The following NXPH2 variants were observed in gnomAD, a reference collection of about 807,000 sequenced individuals.
NXPH2 encodes the protein neurexophilin-2.
NXPH2 carries 5 observed loss-of-function variants against 19.8 expected under a neutral mutation model. The observed-to-expected ratio is 0.25, with a 90% CI of 0.13 to 0.53. The LOEUF is 0.53. NXPH2 is among the 20% of genes least tolerant of loss of function. NXPH2 has a pLI of 0.96. For missense variants in NXPH2, 289 were observed against 322.8 expected (o/e 0.90, Z 0.80); for synonymous variants, 154 against 127.4 (o/e 1.21, Z -1.41).
intron 1 of NXPH2, among the ~76,000 whole-genome samples, chr2:138,748,594 C>CCT (rs923979885): frequency 6.6e-6 from 1 of 151,432 alleles, no homozygotes; most frequent in African/African-American, 2.4e-5. Flanking sequence ...TCTCTCTTTC[C>CCT]CTCTCTCTCT....
chr2:138,734,856 AG>A (rs1258075245), intron 1 of NXPH2, among the ~76,000 whole-genome samples: 2 of 152,220 alleles, frequency 1.3e-5, no homozygotes, highest in Non-Finnish European at 2.9e-5. Flanking sequence ...AATTCAGTGT[AG>A]GGTAAACTGA....
chr2:138,769,709 G>A (rs1682146343), intron 1 of NXPH2, among the ~76,000 whole-genome samples: 1 of 152,140 alleles, frequency 6.6e-6, no homozygotes, highest in Non-Finnish European at 1.5e-5. Flanking sequence ...GCAGCTACCA[G>A]GAGGCTCCCC....
At chr2:138,683,266 A>G (rs1221805070) in intron 1 of NXPH2, among the ~76,000 whole-genome samples, 1 of 152,170 alleles carries the variant, frequency 6.6e-6, no homozygotes, top group Non-Finnish European at 1.5e-5. Context: ...CAAGTTTTCA[A>G]TGAGAGACAT....
chr2:138,720,681 G>C (rs1028382069), intron 1 of NXPH2, among the ~76,000 whole-genome samples: 1 of 152,198 alleles, frequency 6.6e-6, no homozygotes, highest in East Asian at 1.9e-4. Flanking sequence ...AGCACAGGGG[G>C]CTGGCTCCAC....
intron 1 of NXPH2, among the ~76,000 whole-genome samples, chr2:138,754,720 T>C (rs1681880094): frequency 6.6e-6 from 1 of 152,182 alleles, no homozygotes; most frequent in Non-Finnish European, 1.5e-5. Flanking sequence ...GTTCAATTCC[T>C]GGGTCATATA....
Position 138,670,796 on chromosome 2 carries a change from C to A in NXPH2, c.*126G>T. 1 of 995,090 alleles carries A rather than the reference C, an allele frequency of 1.0e-6. No homozygotes were observed. The allele number at this position is 995,090 out of a possible 1,614,324, so 61.6% of individuals were successfully genotyped here. ...CTTTTTCTTTTTTTAAATTTGAAAA[C>A]CTGATAGGGAACTATTGTTCACTGC... is the stretch of plus-strand genomic sequence containing the variant. On this transcript the variant is annotated 3_prime_UTR_variant, in exon 2 of 2. Coordinates refer to ENST00000272641, the MANE Select transcript of NXPH2 (RefSeq NM_007226.3).
At chr2:138,740,523 G>C (rs1158792149) in intron 1 of NXPH2, among the ~76,000 whole-genome samples, 1 of 152,074 alleles carries the variant, frequency 6.6e-6, no homozygotes. Context: ...ATATTGCTTA[G>C]TCCAATTAAG....
chr2:138,712,723 C>CTAT (rs1426124406), intron 1 of NXPH2, among the ~76,000 whole-genome samples: 1 of 152,166 alleles, frequency 6.6e-6, no homozygotes, highest in Non-Finnish European at 1.5e-5. Context: ...AAAGCATTGG[C>CTAT]TATTGTGCCT....
rs1402122331 is a variant in NXPH2, at chr2:138,683,566, C to G, written c.52-11901G>C. Among the ~76,000 whole-genome samples the G allele has an allele frequency of 3.3e-5, 5 of 152,264 alleles. No homozygotes were observed. In the East Asian group the frequency reaches 7.7e-4, roughly 24 times the overall value. ...ATGCTTTGTATTTTACTATCAAATCCATTTAATATTTCGGTCTTCAGGTAC... is the reference window on the plus strand; with the variant it reads ...ATGCTTTGTATTTTACTATCAAATCGATTTAATATTTCGGTCTTCAGGTAC... On this transcript the variant is annotated intron_variant, in intron 1 of 1. Coordinates refer to ENST00000272641, the MANE Select transcript of NXPH2 (RefSeq NM_007226.3).
At chr2:138,763,687 C>G (rs1191740707) in intron 1 of NXPH2, among the ~76,000 whole-genome samples, 1 of 152,012 alleles carries the variant, frequency 6.6e-6, no homozygotes, top group Non-Finnish European at 1.5e-5. Context: ...AAGTCTTGTC[C>G]CAAAGGATCT....
chr2:138,685,476 G>T (rs965920975), intron 1 of NXPH2, among the ~76,000 whole-genome samples: 1 of 152,098 alleles, frequency 6.6e-6, no homozygotes, highest in African/African-American at 2.4e-5. Flanking sequence ...TTACCATGGG[G>T]TTATGTCCCA....
At chr2:138,740,230 G>T (rs1380613095) in intron 1 of NXPH2, among the ~76,000 whole-genome samples, 1 of 152,162 alleles carries the variant, frequency 6.6e-6, no homozygotes, top group Non-Finnish European at 1.5e-5. Context: ...TGGGCCTTGG[G>T]TAACTTAGGA....
chr2:138,719,951 T>C (rs763954016), intron 1 of NXPH2, among the ~76,000 whole-genome samples: 1 of 152,146 alleles, frequency 6.6e-6, no homozygotes. Context: ...TACATTAACT[T>C]TAAAGCAAAT....
intron 1 of NXPH2, among the ~76,000 whole-genome samples, chr2:138,680,155 G>A (rs1680551274): frequency 6.6e-6 from 1 of 152,166 alleles, no homozygotes; most frequent in South Asian, 2.1e-4. Flanking sequence ...CATAAAAATG[G>A]TTAATGGGTG....
At chr2:138,721,200 A>T (rs1259986903) in intron 1 of NXPH2, among the ~76,000 whole-genome samples, 1 of 152,054 alleles carries the variant, frequency 6.6e-6, no homozygotes, top group East Asian at 2.0e-4. Flanking sequence ...AATTAGCCAG[A>T]CGTGGTGGTC....
At chr2:138,688,614 C>T (rs1052029513) in intron 1 of NXPH2, among the ~76,000 whole-genome samples, 3 of 152,104 alleles carry the variant, frequency 2.0e-5, no homozygotes, top group African/African-American at 7.2e-5. Flanking sequence ...GATACCAGTA[C>T]CATTTATTAA....
At chr2:138,768,811 A>G (rs964215428) in intron 1 of NXPH2, among the ~76,000 whole-genome samples, 1 of 152,242 alleles carries the variant, frequency 6.6e-6, no homozygotes, top group Non-Finnish European at 1.5e-5. Flanking sequence ...TTTGTAAGTA[A>G]TTAGCAAAGC....
intron 1 of NXPH2, among the ~76,000 whole-genome samples, chr2:138,688,276 C>T (rs933652341): frequency 2.3e-4 from 35 of 152,256 alleles, no homozygotes; most frequent in African/African-American, 7.0e-4. Context: ...CTCCGCCTTC[C>T]GGGTTCAAGC....
intron 1 of NXPH2, among the ~76,000 whole-genome samples, chr2:138,754,324 G>A (rs1433017283): frequency 6.6e-6 from 1 of 152,118 alleles, no homozygotes; most frequent in Admixed American, 6.6e-5. Flanking sequence ...AATACAGCCT[G>A]TCCTTCACTA....
Sources: gnomAD v4.1 joint callset for allele counts (sites outside exome capture counted in the v4.1 genomes callset) on GRCh38, gnomAD v4.1.1 for gene constraint, MANE v1.5 for transcripts, NCBI Gene and HGNC (gene_info 2026-07-23, HGNC 2026-07-21) for gene names.